The following OPCML variants were observed in gnomAD, a reference collection of about 807,000 sequenced individuals.
OPCML encodes opioid binding protein/cell adhesion molecule like, also known as opioid-binding protein/cell adhesion molecule.
A neutral mutation model predicts 37.8 loss-of-function variants in OPCML; 13 were observed. That is an observed-to-expected ratio of 0.34 (90% confidence interval 0.22 to 0.55). OPCML has a LOEUF of 0.55. Ranked by LOEUF, OPCML falls within the 20% of genes least tolerant of loss-of-function variation. The pLI is 0.91. For synonymous variants in OPCML, 176 were observed against 168.8 expected (o/e 1.04, Z -0.33); for missense variants, 341 against 435.6 (o/e 0.78, Z 1.93).
intron 1 of OPCML, chr11:133,004,991 A>T: frequency 7.1e-6 from 7 of 984,918 alleles, no homozygotes; most frequent in Non-Finnish European, 8.4e-6. Flanking sequence ...GGACTGCTGC[A>T]CTCTTACTCC....
chr11:133,517,392 T>A (rs1275238911), intron 1 of OPCML, among the ~76,000 whole-genome samples: 1 of 152,162 alleles, frequency 6.6e-6, no homozygotes, highest in Non-Finnish European at 1.5e-5. Context: ...TAAACAAGAA[T>A]TTGGGAGCCC....
At chr11:133,482,777 G>A (rs1338394082) in intron 1 of OPCML, among the ~76,000 whole-genome samples, 1 of 151,938 alleles carries the variant, frequency 6.6e-6, no homozygotes, top group Non-Finnish European at 1.5e-5. Context: ...GATAGACACA[G>A]TATAGATTAA....
intron 2 of OPCML, among the ~76,000 whole-genome samples, chr11:132,698,573 A>G (rs1202343282): frequency 1.3e-5 from 2 of 152,058 alleles, no homozygotes; most frequent in Non-Finnish European, 2.9e-5. Context: ...ATTTTCTCCC[A>G]TTCTTTAGGC....
At chr11:133,416,888 G>A (rs1192389634) in intron 1 of OPCML, among the ~76,000 whole-genome samples, 1 of 152,152 alleles carries the variant, frequency 6.6e-6, no homozygotes, top group Non-Finnish European at 1.5e-5. Context: ...TCTCTAGGAA[G>A]AACAAGTGGA....
In OPCML at chr11:133,433,251, C is replaced by CAAAAAAAAAAAAAAAA. The variant is rs71477795; in HGVS notation, c.61+98997_61+99012dup. Among the ~76,000 whole-genome samples, 509 of 90,606 alleles carry CAAAAAAAAAAAAAAAA rather than the reference C, an allele frequency of 5.6e-3. 42 individuals are homozygous for CAAAAAAAAAAAAAAAA. Among genetic ancestry groups the CAAAAAAAAAAAAAAAA allele is most frequent in the African/African-American group, 0.021 (463 of 21,726 alleles). 59.4% of individuals were successfully genotyped at this position (90,606 alleles called of 152,430 possible). The stretch of plus-strand genomic sequence containing the variant: ...TGGGCGACAGAGCGAGACTCCGTCT[C>CAAAAAAAAAAAAAAAA]AAAAAAAAAAAAAAAAAAATATTAC... On this transcript the variant is annotated intron_variant, in intron 1 of 7. Transcript: ENST00000524381.
At chr11:133,361,520 G>A (rs1322623685) in intron 1 of OPCML, 5 of 155,172 alleles carry the variant, frequency 3.2e-5, no homozygotes, top group African/African-American at 1.2e-4. Context: ...CCGCGCATCA[G>A]TGCACCCGTG....
intron 1 of OPCML, chr11:133,025,868 G>A (rs1215559773): frequency 6.4e-6 from 1 of 156,550 alleles, no homozygotes; most frequent in Non-Finnish European, 1.4e-5. Context: ...TGAGTAGCTG[G>A]GACTACAGGT....
intron 2 of OPCML, among the ~76,000 whole-genome samples, chr11:132,803,045 C>T (rs1241258556): frequency 6.6e-6 from 1 of 152,144 alleles, no homozygotes; most frequent in Non-Finnish European, 1.5e-5. Flanking sequence ...AAGCAACTGT[C>T]GTTTTCATGT....
chr11:133,271,753 G>A (rs1941842618), intron 1 of OPCML, among the ~76,000 whole-genome samples: 1 of 152,176 alleles, frequency 6.6e-6, no homozygotes, highest in African/African-American at 2.4e-5. Context: ...GCCACCAGAA[G>A]TATGCCAGCA....
At chr11:132,980,781 G>T (rs1490671763) in intron 1 of OPCML, among the ~76,000 whole-genome samples, 2 of 152,186 alleles carry the variant, frequency 1.3e-5, no homozygotes, top group East Asian at 1.9e-4. Flanking sequence ...GGGCCCAAGG[G>T]TTTCCCTTCA....
At chr11:132,866,542 C>T (rs1183829074) in intron 2 of OPCML, among the ~76,000 whole-genome samples, 3 of 152,186 alleles carry the variant, frequency 2.0e-5, no homozygotes, top group Non-Finnish European at 4.4e-5. Context: ...AGGGAATCAT[C>T]ATAATCGACA....
chr11:133,011,242 T>G (rs569246395), intron 1 of OPCML, among the ~76,000 whole-genome samples: 261 of 152,312 alleles, frequency 1.7e-3, no homozygotes, highest in Admixed American at 3.7e-3. Context: ...AGTGGCAGCA[T>G]GACTCTTGAG....
chr11:132,563,897 C>T (rs190548781), intron 3 of OPCML, among the ~76,000 whole-genome samples: 48 of 152,148 alleles, frequency 3.2e-4, no homozygotes, highest in African/African-American at 1.1e-3. Flanking sequence ...CAAGATTTAC[C>T]TCCAAAATGC....
chr11:133,171,862 G>T (rs1470728950), intron 1 of OPCML, among the ~76,000 whole-genome samples: 4 of 152,182 alleles, frequency 2.6e-5, no homozygotes, highest in African/African-American at 9.7e-5. Context: ...AGGTGAAGAA[G>T]GCATGCTGCT....
chr11:133,266,196 C>G (rs11223417), intron 1 of OPCML, among the ~76,000 whole-genome samples: 85,270 of 151,982 alleles, frequency 0.56, 24,695 homozygotes, highest in East Asian at 0.91. Context: ...ACTTAGGGAA[C>G]GAACTGAGGT....
intron 3 of OPCML, among the ~76,000 whole-genome samples, chr11:132,568,771 G>A (rs1471795754): frequency 6.6e-6 from 1 of 152,174 alleles, no homozygotes; most frequent in African/African-American, 2.4e-5. Flanking sequence ...GTTTGTAGTG[G>A]TGTATGATGG....
chr11:133,102,757 CA>C (rs1949103792), intron 1 of OPCML, among the ~76,000 whole-genome samples: 1 of 151,832 alleles, frequency 6.6e-6, no homozygotes, highest in African/African-American at 2.4e-5. Flanking sequence ...CTCAAAAACA[CA>C]AAAACAAAAC....
intron 1 of OPCML, among the ~76,000 whole-genome samples, chr11:132,947,278 G>A (rs1192019670): frequency 6.6e-6 from 1 of 152,200 alleles, no homozygotes; most frequent in African/African-American, 2.4e-5. Flanking sequence ...CAGCAGAGAT[G>A]GGCAGAAGCG....
At chr11:132,891,163 T>C (rs1001070704) in intron 2 of OPCML, among the ~76,000 whole-genome samples, 7 of 152,354 alleles carry the variant, frequency 4.6e-5, no homozygotes, top group Admixed American at 4.6e-4. Context: ...TTTGGAAGTC[T>C]ATATTACAAA....
Sources: allele counts gnomAD v4.1 joint callset (sites outside exome capture counted in the v4.1 genomes callset), GRCh38; gene constraint gnomAD v4.1.1; transcripts MANE v1.5; gene names NCBI Gene and HGNC (gene_info 2026-07-23, HGNC 2026-07-21).